DLGAP1: variants seen among roughly 807,000 people sequenced by gnomAD.
DLGAP1 encodes the protein disks large-associated protein 1.
DLGAP1 carries 11 observed loss-of-function variants against 90.8 expected under a neutral mutation model. The ratio of observed to expected loss-of-function variants is 0.12; its 90% CI spans 0.08 to 0.20. The LOEUF is 0.20. DLGAP1 is among the 10% of genes least tolerant of loss of function. DLGAP1 has a pLI of 1.00. For missense variants in DLGAP1, 1,050 were observed against 1,333.8 expected (o/e 0.79, Z 3.31); for synonymous variants, 558 against 540.7 (o/e 1.03, Z -0.44).
intron 1 of DLGAP1, among the ~76,000 whole-genome samples, chr18:4,432,790 G>C (rs975805620): frequency 6.6e-6 from 1 of 151,896 alleles, no homozygotes; most frequent in Non-Finnish European, 1.5e-5. Flanking sequence ...CCCCTCACCA[G>C]CTCTAAGGAA....
intron 3 of DLGAP1, among the ~76,000 whole-genome samples, chr18:3,955,437 C>T (rs191987793): frequency 1.5e-4 from 23 of 152,228 alleles, no homozygotes; most frequent in East Asian, 1.9e-4. Context: ...ACAGGCCGGG[C>T]GCCGTGGCTC....
At chr18:4,300,462 C>T (rs1200442617) in intron 1 of DLGAP1, among the ~76,000 whole-genome samples, 3 of 152,152 alleles carry the variant, frequency 2.0e-5, no homozygotes, top group Non-Finnish European at 4.4e-5. Flanking sequence ...CACCTACAAA[C>T]TCATTCTCCA....
Position 4,446,983 on chromosome 18 carries a change from C to T in DLGAP1, c.-267+8023G>A, listed in dbSNP as rs184579822. 1.7e-3 allele frequency among the ~76,000 whole-genome samples: 263 copies of T among 152,300 alleles called. 1 individual carries two copies. Among genetic ancestry groups the T allele is most frequent in the African/African-American group, 6.0e-3 (248 of 41,574 alleles). ...ACAAATTAAAACTACAATGAGATAT[C>T]ATTTCATATCCATAAGATTGGCCAA... On this transcript the variant is annotated intron_variant, in intron 1 of 12. Transcript: ENST00000315677.
intron 5 of DLGAP1, among the ~76,000 whole-genome samples, chr18:3,801,462 C>A (rs1321669041): frequency 6.6e-6 from 1 of 152,204 alleles, no homozygotes; most frequent in African/African-American, 2.4e-5. Context: ...TCTATCTCAT[C>A]TAGAGGCAGG....
chr18:4,137,296 T>C (rs2076420728), intron 2 of DLGAP1, among the ~76,000 whole-genome samples: 1 of 152,150 alleles, frequency 6.6e-6, no homozygotes, highest in Non-Finnish European at 1.5e-5. Flanking sequence ...AATCCAGTCT[T>C]TGTATATGCC....
At chr18:4,424,806 G>C (rs969651442) in intron 1 of DLGAP1, among the ~76,000 whole-genome samples, 1 of 152,096 alleles carries the variant, frequency 6.6e-6, no homozygotes, top group Non-Finnish European at 1.5e-5. Flanking sequence ...GAATACAAGA[G>C]ATGGTCAAAT....
chr18:4,370,020 G>C (rs960206812), intron 1 of DLGAP1, among the ~76,000 whole-genome samples: 1 of 152,076 alleles, frequency 6.6e-6, no homozygotes, highest in South Asian at 2.1e-4. Flanking sequence ...GACTGAAGGC[G>C]GGAAAACTAA....
chr18:3,522,635 C>T (rs564037826), intron 10 of DLGAP1, among the ~76,000 whole-genome samples: 47 of 148,166 alleles, frequency 3.2e-4, no homozygotes, highest in African/African-American at 7.5e-4. Context: ...CTCCGCCTTC[C>T]GGGTTCAGGC....
In DLGAP1 at chr18:3,880,097, T is replaced by G; in HGVS notation, c.-29A>C. ...GGACCGGAAGCAGCCGCCAGGGTCA[T>G]GGACACCCGGAAGTCAGGCTCCAGA... On this transcript the variant is annotated 5_prime_UTR_variant, in exon 4 of 13. It removes an upstream start codon present in the reference 5' UTR. Transcript: ENST00000315677. The G allele has an allele frequency of 6.3e-7, 1 of 1,591,786 alleles. No homozygotes were observed. Among genetic ancestry groups the G allele is most frequent in the South Asian group, 1.1e-5 (1 of 90,752 alleles).
intron 2 of DLGAP1, among the ~76,000 whole-genome samples, chr18:4,077,861 T>C (rs2075547220): frequency 1.3e-5 from 2 of 152,326 alleles, no homozygotes; most frequent in East Asian, 1.9e-4. Flanking sequence ...TCTTTGCATG[T>C]CATTTAAGCA....
In DLGAP1 at chr18:3,498,825, G is replaced by A. The variant is rs1410256808; in HGVS notation, c.*360C>T. 1 of 261,622 alleles carries A rather than the reference G, an allele frequency of 3.8e-6. No individual in the cohort carries two copies. Among genetic ancestry groups the A allele is most frequent in the Non-Finnish European group, 7.1e-6 (1 of 140,368 alleles). The allele number at this position is 261,622 out of a possible 1,614,324, so 16.2% of individuals were successfully genotyped here. On this transcript the variant is annotated 3_prime_UTR_variant, in exon 13 of 13. Coordinates refer to ENST00000315677, the MANE Select transcript of DLGAP1 (RefSeq NM_004746.4). ...CTGAAATACCCTATGGTTTTATATT[G>A]CTGAACAGACTAGCTCGAGAGAACT...
chr18:3,945,037 G>C lies in DLGAP1; in HGVS notation c.-73+60079C>G, dbSNP rs181679716. Among the ~76,000 whole-genome samples, 16 of 152,294 alleles carry C rather than the reference G, an allele frequency of 1.1e-4. No homozygotes were observed. In the East Asian group the frequency reaches 2.9e-3, roughly 28 times the overall value. On this transcript the variant is annotated intron_variant, in intron 3 of 12. Transcript: ENST00000315677. ...TCTTACATCTAGGGTAAGAATCTCA[G>C]AGAATCTCAGCATAGCCATTGAAAG...
chr18:3,576,566 CT>C (rs558651034), intron 8 of DLGAP1, among the ~76,000 whole-genome samples: 384 of 135,848 alleles, frequency 2.8e-3, no homozygotes, highest in Admixed American at 4.5e-3. Flanking sequence ...GCTCCAGCTC[CT>C]TTTTTTTTTT....
intron 1 of DLGAP1, among the ~76,000 whole-genome samples, chr18:4,345,674 G>A (rs1178470473): frequency 6.6e-6 from 1 of 152,172 alleles, no homozygotes; most frequent in African/African-American, 2.4e-5. Flanking sequence ...ACATAAGTAT[G>A]AAAAATATCT....
At chr18:3,601,057 T>C (rs1156905753) in intron 7 of DLGAP1, among the ~76,000 whole-genome samples, 1 of 140,872 alleles carries the variant, frequency 7.1e-6, no homozygotes, top group East Asian at 2.0e-4. Context: ...TAGATAGATA[T>C]ATAGATATAT....
chr18:3,624,848 T>G lies in DLGAP1; in HGVS notation c.1592-42600A>C, dbSNP rs549760309. The stretch of plus-strand genomic sequence containing the variant: ...GGGGAATCTCAAGAGCAAACTAATC[T>G]AAACTCCAAGAAATAGACCACTAAG... On this transcript the variant is annotated intron_variant, in intron 7 of 12. Transcript: ENST00000315677. Among the ~76,000 whole-genome samples the G allele has an allele frequency of 1.6e-3, 241 of 152,260 alleles. 2 individuals carry two copies. Among genetic ancestry groups the G allele is most frequent in the Non-Finnish European group, 2.4e-3 (164 of 68,024 alleles).
intron 1 of DLGAP1, among the ~76,000 whole-genome samples, chr18:4,346,245 A>T (rs1395397784): frequency 6.6e-6 from 1 of 152,206 alleles, no homozygotes; most frequent in African/African-American, 2.4e-5. Context: ...AGTAAAAAAA[A>T]GGACATCAGA....
chr18:4,118,225 C>A (rs1002315425), intron 2 of DLGAP1, among the ~76,000 whole-genome samples: 3 of 152,104 alleles, frequency 2.0e-5, no homozygotes, highest in African/African-American at 7.2e-5. Context: ...CCAGCCCCTG[C>A]AGGCCGAGCT....
intron 7 of DLGAP1, among the ~76,000 whole-genome samples, chr18:3,674,624 AAAT>A (rs917099027): frequency 2.6e-5 from 4 of 151,934 alleles, no homozygotes; most frequent in Admixed American, 6.6e-5. Flanking sequence ...TATCTGTAAT[AAAT>A]AATAATAATA....
Sources: allele counts gnomAD v4.1 joint callset (sites outside exome capture counted in the v4.1 genomes callset), GRCh38; gene constraint gnomAD v4.1.1; transcripts MANE v1.5; gene names NCBI Gene and HGNC (gene_info 2026-07-23, HGNC 2026-07-21).